Variants in RTN4 observed in about 807,000 individuals in gnomAD.
The protein encoded by RTN4 is reticulon-4.
A neutral mutation model predicts 90.4 loss-of-function variants in RTN4; 32 were observed. The observed-to-expected ratio is 0.35, with a 90% confidence interval of 0.27 to 0.48. The LOEUF is 0.48. Ranked by LOEUF, RTN4 falls within the 20% of genes least tolerant of loss-of-function variation. The pLI is 0.99. For synonymous variants in RTN4, 629 were observed against 552.5 expected (o/e 1.14, Z -1.94); for missense variants, 1,706 against 1,430.2 (o/e 1.19, Z -3.11).
intron 1 of RTN4, among the ~76,000 whole-genome samples, chr2:55,112,361 G>A (rs547945984): frequency 1.1e-3 from 165 of 152,364 alleles, no homozygotes; most frequent in African/African-American, 3.9e-3. Flanking sequence ...CCAAAGTCAA[G>A]TGGTGATTAA....
intron 1 of RTN4, among the ~76,000 whole-genome samples, chr2:55,100,227 C>T (rs1457929381): frequency 6.6e-6 from 1 of 152,070 alleles, no homozygotes; most frequent in Non-Finnish European, 1.5e-5. Flanking sequence ...CTAGGAGTGA[C>T]CCCACTACGG....
chr2:55,007,828 T>A (rs1437035397), intron 3 of RTN4, among the ~76,000 whole-genome samples: 4 of 152,046 alleles, frequency 2.6e-5, no homozygotes, highest in Non-Finnish European at 5.9e-5. Context: ...ATCTTTCAAC[T>A]CCTGTCCTAA....
chr2:54,972,640 A>T lies in RTN4; in HGVS notation c.*516T>A, dbSNP rs1677166281. The T allele has an allele frequency of 6.5e-6, 1 of 152,750 alleles. No individual in the cohort carries two copies. Among genetic ancestry groups the T allele is most frequent in the Non-Finnish European group, 1.5e-5 (1 of 68,130 alleles). The allele number at this position is 152,750 out of a possible 1,614,324, so 9.5% of individuals were successfully genotyped here. ...ATATTTACTTATATTGGCAATTAAT[A>T]TAACAGTAAAAGTCACAATACACCT... On this transcript the variant is annotated 3_prime_UTR_variant, in exon 9 of 9. Transcript: ENST00000337526.
intron 2 of RTN4, among the ~76,000 whole-genome samples, chr2:55,070,492 G>A (rs1404049859): frequency 7.0e-6 from 1 of 142,248 alleles, no homozygotes; most frequent in Non-Finnish European, 1.5e-5. Context: ...GCTGTAGTGA[G>A]CTATGATCAT....
At chr2:54,977,638 T>C (rs1282759622) in intron 5 of RTN4, among the ~76,000 whole-genome samples, 1 of 152,098 alleles carries the variant, frequency 6.6e-6, no homozygotes. Flanking sequence ...CAGTAGGCAT[T>C]GTCATATGCT....
chr2:54,996,334 A>C (rs1679423593), intron 3 of RTN4, among the ~76,000 whole-genome samples: 1 of 152,214 alleles, frequency 6.6e-6, no homozygotes, highest in Non-Finnish European at 1.5e-5. Context: ...TTGACATGCC[A>C]ATTGCAAAAT....
chr2:55,076,548 C>A (rs1330490380), intron 2 of RTN4, among the ~76,000 whole-genome samples: 1 of 151,978 alleles, frequency 6.6e-6, no homozygotes, highest in South Asian at 2.1e-4. Context: ...TATAGGCATG[C>A]ATAACCACGC....
the RTN4 span, among the ~76,000 whole-genome samples, chr2:55,128,900 A>G: frequency 6.6e-6 from 1 of 152,146 alleles, no homozygotes; most frequent in African/African-American, 2.4e-5. Flanking sequence ...TGAGGTCAGG[A>G]GTTCGAGACC....
chr2:55,016,324 T>C (rs1205512066), intron 3 of RTN4, among the ~76,000 whole-genome samples: 2 of 152,252 alleles, frequency 1.3e-5, no homozygotes, highest in Non-Finnish European at 2.9e-5. Flanking sequence ...GGTTCATGCC[T>C]TTAATCCCAG....
intron 1 of RTN4, among the ~76,000 whole-genome samples, chr2:55,084,390 C>T (rs1037701717): frequency 2.0e-5 from 3 of 151,156 alleles, no homozygotes; most frequent in African/African-American, 4.9e-5. Context: ...ATCCTCCAGC[C>T]TGAGTCTCTG....
upstream of RTN4, among the ~76,000 whole-genome samples, chr2:55,113,491 G>A (rs1668072898): frequency 1.3e-5 from 2 of 152,196 alleles, no homozygotes; most frequent in African/African-American, 4.8e-5. Flanking sequence ...CTGTCTCTCT[G>A]AAGTGGGTAA....
At chr2:54,987,341 C>T in intron 4 of RTN4, 150 bp downstream of exon 4, 2 of 639,550 alleles carry the variant, frequency 3.1e-6, no homozygotes, top group Non-Finnish European at 5.5e-6. Context: ...ATCTCAAAAG[C>T]AGATGTTTTT....
upstream of RTN4, among the ~76,000 whole-genome samples, chr2:55,054,656 G>T (rs963613953): frequency 6.6e-6 from 1 of 152,130 alleles, no homozygotes; most frequent in African/African-American, 2.4e-5. Context: ...GGTAAGAGAA[G>T]AAAGATGAGA....
chr2:55,112,079 G>A (rs1231534188), intron 1 of RTN4, among the ~76,000 whole-genome samples: 1 of 152,222 alleles, frequency 6.6e-6, no homozygotes, highest in Non-Finnish European at 1.5e-5. Context: ...ACTCCAGAAA[G>A]AGCGTGCCTT....
chr2:55,062,318 G>C (rs1193499225), intron 2 of RTN4, among the ~76,000 whole-genome samples: 1 of 151,952 alleles, frequency 6.6e-6, no homozygotes, highest in African/African-American at 2.4e-5. Flanking sequence ...GGGTCTAATT[G>C]AGCTGACTAA....
chr2:55,013,977 T>C (rs1372685411), intron 3 of RTN4, among the ~76,000 whole-genome samples: 1 of 152,196 alleles, frequency 6.6e-6, no homozygotes, highest in African/African-American at 2.4e-5. Context: ...ATAGGCATGT[T>C]TTTTAAAAAA....
chr2:55,126,010 G>A, the RTN4 span, among the ~76,000 whole-genome samples: 2 of 146,206 alleles, frequency 1.4e-5, no homozygotes, highest in African/African-American at 2.5e-5. Context: ...GCAGTGAGCC[G>A]AGATCACGCC....
chr2:55,027,433 C>G lies in RTN4; in HGVS notation c.666G>C (p.Glu222Asp). 2 of 1,613,222 alleles carry G rather than the reference C, an allele frequency of 1.2e-6. No homozygotes were observed. Among genetic ancestry groups the G allele is most frequent in the Non-Finnish European group, 1.7e-6 (2 of 1,179,574 alleles). ...QPGNTISAGQ[E>D]DFPSVLLETA... ...TTTCAAGCAGGACAGATGGGAAATCCTCTTGACCAGCCGAAATAGTGTTAC... is the reference window on the plus strand; with the variant it reads ...TTTCAAGCAGGACAGATGGGAAATCGTCTTGACCAGCCGAAATAGTGTTAC... The change falls in exon 3 of 9, where the codon GAG (glutamate) becomes GAC (aspartate). Residue 222 changes from glutamate to aspartate, a missense_variant. Physicochemically the swap from Glu to Asp is conservative, Grantham distance 45. Transcript: ENST00000337526.
At chr2:54,991,095 T>A (rs1423074895) in intron 3 of RTN4, among the ~76,000 whole-genome samples, 4 of 152,162 alleles carry the variant, frequency 2.6e-5, no homozygotes, top group African/African-American at 9.7e-5. Flanking sequence ...CAAATCTATT[T>A]TTCATATGAA....
Sources: gnomAD v4.1 joint callset for allele counts (sites outside exome capture counted in the v4.1 genomes callset) on GRCh38, gnomAD v4.1.1 for gene constraint, MANE v1.5 for transcripts, NCBI Gene and HGNC (gene_info 2026-07-23, HGNC 2026-07-21) for gene names.